Variants in TMEM117 observed in about 807,000 individuals in gnomAD.
TMEM117 encodes the protein transmembrane protein 117.
TMEM117 carries 27 observed loss-of-function variants against 52.4 expected under a neutral mutation model. The observed-to-expected ratio is 0.51, with a 90% CI of 0.38 to 0.71. The LOEUF (loss-of-function observed/expected upper bound fraction) is 0.71. Ranked by LOEUF, TMEM117 falls within the 30% of genes least tolerant of loss-of-function variation. The pLI is 0.00. For synonymous variants in TMEM117, 215 were observed against 206.3 expected (o/e 1.04, Z -0.36); for missense variants, 556 against 630.5 (o/e 0.88, Z 1.26).
chr12:43,972,556 T>C (rs926169207), intron 3 of TMEM117, among the ~76,000 whole-genome samples: 2 of 152,204 alleles, frequency 1.3e-5, no homozygotes, highest in African/African-American at 4.8e-5. Flanking sequence ...CACGTCCTGC[T>C]GATTGGTCTG....
intron 4 of TMEM117, among the ~76,000 whole-genome samples, chr12:44,187,525 C>A (rs1430664756): frequency 2.6e-5 from 4 of 152,086 alleles, no homozygotes; most frequent in Non-Finnish European, 4.4e-5. Flanking sequence ...AATGTTTTTG[C>A]ATTAATACTA....
intron 3 of TMEM117, among the ~76,000 whole-genome samples, chr12:44,059,685 C>T (rs1947109522): frequency 6.6e-6 from 1 of 152,208 alleles, no homozygotes. Flanking sequence ...CAGCAACATT[C>T]TCTAATGGAT....
At chr12:44,097,950 C>G (rs1947799394) in intron 3 of TMEM117, among the ~76,000 whole-genome samples, 2 of 151,766 alleles carry the variant, frequency 1.3e-5, no homozygotes, top group South Asian at 2.1e-4. Flanking sequence ...AGATAGGTAT[C>G]TATAATGAAT....
At chr12:44,065,319 C>T (rs756848376) in intron 3 of TMEM117, among the ~76,000 whole-genome samples, 11 of 150,642 alleles carry the variant, frequency 7.3e-5, no homozygotes, top group Non-Finnish European at 1.6e-4. Flanking sequence ...ACCCAAGAGG[C>T]GGAGGTTGCA....
intron 4 of TMEM117, among the ~76,000 whole-genome samples, chr12:44,149,984 G>C (rs932507047): frequency 3.9e-5 from 6 of 152,186 alleles, no homozygotes; most frequent in Admixed American, 6.5e-5. Context: ...GTGCAAACCA[G>C]ATATTTAGCC....
intron 4 of TMEM117, among the ~76,000 whole-genome samples, chr12:44,163,941 T>C (rs188026647): frequency 2.0e-5 from 3 of 152,268 alleles, no homozygotes; most frequent in Admixed American, 2.0e-4. Context: ...CATTGAGCCC[T>C]ATATTGGCAA....
At chr12:44,081,817 CCCA>C (rs1947485859) in intron 3 of TMEM117, among the ~76,000 whole-genome samples, 7 of 151,826 alleles carry the variant, frequency 4.6e-5, no homozygotes, top group Admixed American at 3.3e-4. Flanking sequence ...AGCATGGTGC[CCCA>C]CAATTCCATT....
intron 4 of TMEM117, among the ~76,000 whole-genome samples, chr12:44,156,985 T>G (rs1026619095): frequency 2.0e-5 from 3 of 152,144 alleles, no homozygotes; most frequent in Non-Finnish European, 4.4e-5. Flanking sequence ...TCTACCATCC[T>G]TCATGGAAAA....
At chr12:44,280,564 C>CTT (rs919896906) in intron 5 of TMEM117, among the ~76,000 whole-genome samples, 1 of 149,582 alleles carries the variant, frequency 6.7e-6, no homozygotes, top group Admixed American at 6.7e-5. Context: ...TCTATAGCAT[C>CTT]TTTTTTTTTT....
intron 2 of TMEM117, among the ~76,000 whole-genome samples, chr12:43,845,692 C>T (rs890047802): frequency 4.0e-5 from 6 of 151,708 alleles, no homozygotes; most frequent in African/African-American, 1.5e-4. Context: ...TCCCTCCCCC[C>T]TCCCCCAACC....
At chr12:44,338,626 G>T (rs192592079) in intron 6 of TMEM117, among the ~76,000 whole-genome samples, 2 of 151,594 alleles carry the variant, frequency 1.3e-5, no homozygotes, top group Non-Finnish European at 2.9e-5. Context: ...AATGAGAAGC[G>T]TAAACATCCA....
At chr12:43,829,670 AT>A in the TMEM117 span, among the ~76,000 whole-genome samples, 1 of 152,188 alleles carries the variant, frequency 6.6e-6, no homozygotes, top group Non-Finnish European at 1.5e-5. Flanking sequence ...CCAAAGGCAA[AT>A]TTGCCATTTA....
At chr12:43,922,480 G>A (rs996590324) in intron 2 of TMEM117, among the ~76,000 whole-genome samples, 1 of 152,020 alleles carries the variant, frequency 6.6e-6, no homozygotes, top group Non-Finnish European at 1.5e-5. Context: ...CTTTTGTAAG[G>A]CAAAAGCATT....
intron 2 of TMEM117, among the ~76,000 whole-genome samples, chr12:43,872,586 A>G (rs1943725291): frequency 6.6e-6 from 1 of 152,216 alleles, no homozygotes; most frequent in South Asian, 2.1e-4. Flanking sequence ...TTATTCAAGA[A>G]TGGAAGATCA....
chr12:44,207,362 G>T (rs115072146), intron 4 of TMEM117, among the ~76,000 whole-genome samples: 3,041 of 152,226 alleles, frequency 0.02, 60 homozygotes, highest in South Asian at 0.052. Context: ...GTGGGAATTA[G>T]CTTGTAATCA....
chr12:43,964,116 G>T (rs1335811831), intron 3 of TMEM117, among the ~76,000 whole-genome samples: 1 of 152,024 alleles, frequency 6.6e-6, no homozygotes, highest in Non-Finnish European at 1.5e-5. Flanking sequence ...ACTGCTTGTC[G>T]CTGTCTCTCT....
chr12:44,167,987 G>A (rs924170876), intron 4 of TMEM117, among the ~76,000 whole-genome samples: 3 of 152,102 alleles, frequency 2.0e-5, no homozygotes, highest in Non-Finnish European at 4.4e-5. Context: ...CAGGCGCGGT[G>A]GCTCACGCCT....
In TMEM117 at chr12:44,183,516, A is replaced by G. The variant is rs114243731; in HGVS notation, c.511-27774A>G. 7.1e-3 allele frequency among the ~76,000 whole-genome samples: 1,078 copies of G among 152,300 alleles called. 16 individuals carry two copies. Among genetic ancestry groups the G allele is most frequent in the African/African-American group, 0.024 (990 of 41,556 alleles). On this transcript the variant is annotated intron_variant, in intron 4 of 7. Coordinates refer to ENST00000266534, the MANE Select transcript of TMEM117 (RefSeq NM_032256.3). ...CAATTATCACTATATTGTTTGATGT[A>G]AACATTAACTGGACAATCTTAGAGA...
the TMEM117 span, among the ~76,000 whole-genome samples, chr12:43,820,150 T>G: frequency 6.6e-6 from 1 of 151,982 alleles, no homozygotes; most frequent in Non-Finnish European, 1.5e-5. Flanking sequence ...CCAAGTGGAG[T>G]GCTGTGGCGC....
Sources: gnomAD v4.1 joint callset for allele counts (sites outside exome capture counted in the v4.1 genomes callset) on GRCh38, gnomAD v4.1.1 for gene constraint, MANE v1.5 for transcripts, NCBI Gene and HGNC (gene_info 2026-07-23, HGNC 2026-07-21) for gene names.